KCNMA1: variants seen among roughly 807,000 people sequenced by gnomAD.
The protein encoded by KCNMA1 is Calcium-activated potassium channel subunit alpha-1.
A neutral mutation model predicts 140.0 loss-of-function variants in KCNMA1; 29 were observed. That is an observed-to-expected ratio of 0.21 (90% CI 0.15 to 0.28). The LOEUF (loss-of-function observed/expected upper bound fraction) is 0.28, where lower values mean the gene tolerates loss of function less well. Among genes scored for constraint, KCNMA1 ranks in the 10% least tolerant of loss-of-function variants. The pLI is 1.00. For synonymous variants in KCNMA1, 612 were observed against 611.9 expected, an observed-to-expected ratio of 1.00 and a Z score of 0.00; for missense variants, 880 against 1,602.2, an observed-to-expected ratio of 0.55 and a Z score of 7.70.
intron 1 of KCNMA1, among the ~76,000 whole-genome samples, chr10:77,482,815 T>C (rs1483521369): frequency 6.6e-6 from 1 of 152,042 alleles, no homozygotes; most frequent in African/African-American, 2.4e-5. Flanking sequence ...TTGTCTCAGC[T>C]ACCCCAAAAT....
chr10:77,341,182 C>G (rs906073897), intron 2 of KCNMA1, among the ~76,000 whole-genome samples: 1 of 152,226 alleles, frequency 6.6e-6, no homozygotes, highest in Non-Finnish European at 1.5e-5. Flanking sequence ...ATGAAGTTGA[C>G]AACAGCACTT....
At chr10:77,614,809 C>A (rs1229418532) in intron 1 of KCNMA1, among the ~76,000 whole-genome samples, 1 of 152,218 alleles carries the variant, frequency 6.6e-6, no homozygotes, top group Non-Finnish European at 1.5e-5. Context: ...CCCAGCTCAG[C>A]TTGGGCTCCC....
At chr10:77,163,152 A>G (rs79408743) in intron 5 of KCNMA1, among the ~76,000 whole-genome samples, 13,763 of 152,300 alleles carry the variant, frequency 0.09, 862 homozygotes, top group Admixed American at 0.14. Context: ...GGCCACCACC[A>G]GTTCTTGCAC....
At chr10:77,039,420 C>G in intron 15 of KCNMA1, 108 bp downstream of exon 15, 1 of 747,568 alleles carries the variant, frequency 1.3e-6, no homozygotes, top group Non-Finnish European at 2.5e-6. Context: ...ATACCCTCGG[C>G]AATTGTCAAG....
At chr10:77,374,747 A>C (rs1432149877) in intron 2 of KCNMA1, among the ~76,000 whole-genome samples, 1 of 152,192 alleles carries the variant, frequency 6.6e-6, no homozygotes, top group Non-Finnish European at 1.5e-5. Flanking sequence ...TACAAACCCC[A>C]AAAACAAACA....
chr10:77,479,133 T>C (rs1315373368), intron 1 of KCNMA1, among the ~76,000 whole-genome samples: 2 of 152,214 alleles, frequency 1.3e-5, no homozygotes, highest in Non-Finnish European at 2.9e-5. Flanking sequence ...AATGTGCCCA[T>C]AGGATTTTCA....
chr10:77,220,641 G>C (rs2049303778), intron 3 of KCNMA1, among the ~76,000 whole-genome samples: 1 of 152,236 alleles, frequency 6.6e-6, no homozygotes, highest in Non-Finnish European at 1.5e-5. Flanking sequence ...GGAGGAGATT[G>C]TTTTAGTAGC....
At chr10:77,111,182 G>A (rs1244917447) in intron 7 of KCNMA1, among the ~76,000 whole-genome samples, 1 of 152,174 alleles carries the variant, frequency 6.6e-6, no homozygotes, top group African/African-American at 2.4e-5. Context: ...CTAGTAGGTG[G>A]GCAGGAAAGG....
intron 2 of KCNMA1, among the ~76,000 whole-genome samples, chr10:77,279,843 G>T (rs1013502872): frequency 1.3e-5 from 2 of 152,140 alleles, no homozygotes; most frequent in African/African-American, 4.8e-5. Flanking sequence ...GTTCTTTCTT[G>T]CCTGCTGCCA....
Position 77,444,223 on chromosome 10 carries a change from T to C in KCNMA1, c.379-40200A>G, listed in dbSNP as rs12219334. Among the ~76,000 whole-genome samples the C allele has an allele frequency of 8.9e-3, 1,360 of 152,296 alleles. 91 individuals are homozygous for C. In the East Asian group the frequency reaches 0.17, roughly 19 times the overall value. On this transcript the variant is annotated intron_variant, in intron 1 of 27. Transcript: ENST00000286628. ...CTAATTTAGAAAGGTGACAAGCACA[T>C]TGCAGGACCTTACTTAATAGGGCTG...
At chr10:76,913,995 T>A in intron 24 of KCNMA1, 2 of 1,275,958 alleles carry the variant, frequency 1.6e-6, no homozygotes, top group Non-Finnish European at 2.2e-6. Context: ...CTGATGATAG[T>A]TGGAAACACC....
intron 2 of KCNMA1, among the ~76,000 whole-genome samples, chr10:77,287,146 C>A (rs577836235): frequency 6.6e-6 from 1 of 152,356 alleles, no homozygotes; most frequent in East Asian, 1.9e-4. Flanking sequence ...TTCATTCATG[C>A]ATCAGGGTTT....
chr10:77,220,864 C>T (rs773798430), intron 3 of KCNMA1, among the ~76,000 whole-genome samples: 5 of 152,170 alleles, frequency 3.3e-5, no homozygotes, highest in Non-Finnish European at 7.3e-5. Context: ...ATGTCTCTAG[C>T]GGTCACTGAC....
chr10:76,989,044 G>A (rs548184551), intron 19 of KCNMA1, among the ~76,000 whole-genome samples: 1 of 152,252 alleles, frequency 6.6e-6, no homozygotes, highest in South Asian at 2.1e-4. Context: ...GGAGGGCAGG[G>A]CCATTTGTAG....
intron 2 of KCNMA1, chr10:77,354,403 T>C (rs2093271645): frequency 6.6e-6 from 1 of 152,224 alleles, no homozygotes; most frequent in African/African-American, 2.4e-5. Context: ...TTTCTTCCTC[T>C]TATCAGTGTG....
At chr10:77,589,525 A>AACACAC (rs574355738) in intron 1 of KCNMA1, among the ~76,000 whole-genome samples, 1 of 151,274 alleles carries the variant, frequency 6.6e-6, no homozygotes, top group Non-Finnish European at 1.5e-5. Context: ...TGGAAGGCTG[A>AACACAC]ACACACACAC....
intron 1 of KCNMA1, among the ~76,000 whole-genome samples, chr10:77,506,725 AGTGTGTGTGTGTGTGTTTGTTAGAGAGG>A (rs2046186148): frequency 2.2e-5 from 3 of 133,678 alleles, no homozygotes; most frequent in African/African-American, 5.8e-5. Context: ...AGAGAGAGAG[AGTGTGTGTGTGTGTGTTTGTTAGAGAGG>A]GAGAGAGAGA....
At chr10:77,289,036 G>A (rs1601402198) in intron 2 of KCNMA1, among the ~76,000 whole-genome samples, 1 of 152,094 alleles carries the variant, frequency 6.6e-6, no homozygotes, top group African/African-American at 2.4e-5. Context: ...CTCATTTTGG[G>A]AGGACCAAAG....
At chr10:76,973,873 A>C (rs1342994578) in intron 19 of KCNMA1, 1 of 152,088 alleles carries the variant, frequency 6.6e-6, no homozygotes, top group Non-Finnish European at 1.5e-5. Context: ...AATGATTGCA[A>C]CTCCCAGCCT....
Sources: gnomAD v4.1 joint callset for allele counts (sites outside exome capture counted in the v4.1 genomes callset) on GRCh38, gnomAD v4.1.1 for gene constraint, MANE v1.5 for transcripts, NCBI Gene and HGNC (gene_info 2026-07-23, HGNC 2026-07-21) for gene names.